GAK: variants seen among roughly 807,000 people sequenced by gnomAD.
GAK encodes the protein cyclin-G-associated kinase.
A neutral mutation model predicts 143.9 loss-of-function variants in GAK; 79 were observed. The observed-to-expected ratio is 0.55, with a 90% CI of 0.46 to 0.66. GAK has a LOEUF of 0.66. Among genes scored for constraint, GAK ranks in the 30% least tolerant of loss-of-function variants. The pLI is 0.00. For missense variants in GAK, 1,693 were observed against 1,779.7 expected (o/e 0.95, Z 0.88); for synonymous variants, 881 against 765.5 (o/e 1.15, Z -2.49).
At chr4:851,687 T>C in intron 25 of GAK, 63 bp downstream of exon 25, 3 of 1,517,136 alleles carry the variant, frequency 2.0e-6, no homozygotes, top group East Asian at 2.2e-5. Context: ...ACATAGGTTC[T>C]ACCTTTAGCC....
At chr4:882,390 C>A (rs1054542746) in intron 14 of GAK, among the ~76,000 whole-genome samples, 2 of 152,142 alleles carry the variant, frequency 1.3e-5, no homozygotes, top group Non-Finnish European at 2.9e-5. Flanking sequence ...AGCTGCAGAT[C>A]GGGAAACTGG....
chr4:871,400 G>A (rs934888899), intron 18 of GAK, among the ~76,000 whole-genome samples: 8 of 152,210 alleles, frequency 5.3e-5, no homozygotes, highest in East Asian at 3.8e-4. Flanking sequence ...CTCAGAGCAC[G>A]CACTCTGGGA....
chr4:851,731 C>T lies in GAK; in HGVS notation c.3508+19G>A. ...GAGGTCTCTGCAAACTCCACAGCAA[C>T]AGAGAGTGGGGGACTCACCAAAGCT... On this transcript the variant is annotated intron_variant, in intron 25 of 27. Transcript: ENST00000314167. 1 of 1,609,764 alleles carries T rather than the reference C, an allele frequency of 6.2e-7. No homozygotes were observed. The highest frequency in any genetic ancestry group is 8.5e-7 in the Non-Finnish European group (1 of 1,177,282).
chr4:875,492 C>T (rs538324577), intron 18 of GAK, among the ~76,000 whole-genome samples: 55 of 152,350 alleles, frequency 3.6e-4, no homozygotes, highest in African/African-American at 1.3e-3. Flanking sequence ...AGTCCGCCAG[C>T]ATCCCCGTGG....
chr4:913,542 A>G, intron 2 of GAK, 65 bp downstream of exon 2: 1 of 1,234,294 alleles, frequency 8.1e-7, no homozygotes, highest in Non-Finnish European at 1.2e-6. Context: ...CCCTGAAAAG[A>G]CTGTCACCAG....
chr4:854,875 C>G (rs1748860077), intron 24 of GAK, among the ~76,000 whole-genome samples: 1 of 152,174 alleles, frequency 6.6e-6, no homozygotes, highest in African/African-American at 2.4e-5. Flanking sequence ...GAAACCCCAT[C>G]TCTACTAAAA....
chr4:890,668 C>CAA, intron 9 of GAK, 46 bp from the exon 10 acceptor site: 1 of 1,503,094 alleles, frequency 6.7e-7, no homozygotes, highest in Non-Finnish European at 9.1e-7. Flanking sequence ...ACTGACAACT[C>CAA]ACGCCTGCCC....
intron 15 of GAK, among the ~76,000 whole-genome samples, chr4:879,659 T>C (rs905725197): frequency 6.6e-6 from 1 of 152,228 alleles, no homozygotes; most frequent in Admixed American, 6.5e-5. Context: ...TGTGTTCATC[T>C]TGCTTTCATC....
intron 11 of GAK, among the ~76,000 whole-genome samples, chr4:884,863 G>A (rs553526406): frequency 2.6e-5 from 4 of 152,352 alleles, no homozygotes; most frequent in Non-Finnish European, 4.4e-5. Flanking sequence ...CATCGCAGAG[G>A]TGCTGTCCCC....
chr4:920,953 T>C (rs1463959480), intron 1 of GAK, among the ~76,000 whole-genome samples: 3 of 152,250 alleles, frequency 2.0e-5, no homozygotes, highest in Admixed American at 6.5e-5. Context: ...TTTTTAAAGA[T>C]AGTAATATCT....
chr4:850,451 G>A, intron 26 of GAK: 1 of 215,524 alleles, frequency 4.6e-6, no homozygotes, highest in South Asian at 1.3e-4. Context: ...GTGGCCTGCA[G>A]AGCTGGGCAT....
chr4:899,188 G>A (rs1158781029), intron 5 of GAK, among the ~76,000 whole-genome samples: 1 of 152,240 alleles, frequency 6.6e-6, no homozygotes, highest in Non-Finnish European at 1.5e-5. Flanking sequence ...AATCAAGGAA[G>A]CCTCAGCCCC....
rs763401200 is a variant in GAK, at chr4:851,838, T to G, written c.3420A>C (p.Lys1140Asn). The change falls in exon 25 of 28, where the codon AAA becomes AAC. Residue 1140 changes from lysine to asparagine, a missense_variant. This residue lies in a region of GAK where 822 missense variants were observed against 788.7 expected (regional missense o/e 1.04). Transcript: ENST00000314167. ...SWPPQAKPPP[K>N]ACTQPRPNYA... ...AGTTAGGCCTTGGCTGTGTGCAGGC[T>G]TTGGGGGGCGGCTTGGCCTGAGGGG... is the stretch of plus-strand genomic sequence containing the variant. 5.0e-6 allele frequency: 8 copies of G among 1,609,712 alleles called. 1 individual carries two copies. The African/African-American group carries it at 1.1e-4, about 21-fold the overall frequency.
intron 14 of GAK, 27 bp from the exon 15 acceptor site, chr4:882,067 G>A: frequency 6.3e-7 from 1 of 1,577,678 alleles, no homozygotes; most frequent in African/African-American, 1.3e-5. Flanking sequence ...CGTCTCGCGT[G>A]CGCCTCGCAC....
chr4:851,142 G>T, intron 25 of GAK, 58 bp from the exon 26 acceptor site: 1 of 1,472,384 alleles, frequency 6.8e-7, no homozygotes, highest in Non-Finnish European at 9.4e-7. Context: ...CTGTCACCCA[G>T]GCCAGAGTGC....
chr4:901,814 G>A (rs1366549624), intron 5 of GAK, among the ~76,000 whole-genome samples: 1 of 152,220 alleles, frequency 6.6e-6, no homozygotes, highest in East Asian at 1.9e-4. Context: ...GGCCAGAGGC[G>A]CCGCTCCCGA....
chr4:912,551 A>C (rs1378403480), intron 3 of GAK, 184 bp downstream of exon 3: 2 of 539,638 alleles, frequency 3.7e-6, no homozygotes, highest in South Asian at 2.5e-5. Context: ...TAAAAAAAAA[A>C]CAGAAAAAAC....
chr4:870,802 G>T lies in GAK; in HGVS notation c.2157C>A (p.Ala719=). The change falls in exon 19 of 28, where the codon GCC becomes GCA. Residue 719 remains alanine, a synonymous_variant. Transcript: ENST00000314167. ...TCATGCTCGAGTTCTCCCATGGTGGGGCTTCCCGGCTCGGCCTGTCCCTGG... is the reference window on the plus strand; with the variant it reads ...TCATGCTCGAGTTCTCCCATGGTGGTGCTTCCCGGCTCGGCCTGTCCCTGG... ...VEPRDRPSRE[A]PPWENSSMRG... 1 of 1,614,092 alleles carries T rather than the reference G, an allele frequency of 6.2e-7. No homozygotes were observed. The highest frequency in any genetic ancestry group is 8.5e-7 in the Non-Finnish European group (1 of 1,180,008).
chr4:867,937 C>T (rs1226758197), intron 20 of GAK, among the ~76,000 whole-genome samples: 4 of 152,240 alleles, frequency 2.6e-5, no homozygotes, highest in Admixed American at 6.5e-5. Context: ...GTGCCTCAGG[C>T]TGAGTCAAGT....
Sources: allele counts gnomAD v4.1 joint callset (sites outside exome capture counted in the v4.1 genomes callset), GRCh38; gene constraint gnomAD v4.1.1; regional missense constraint gnomAD v4.1.1; transcripts MANE v1.5; gene names NCBI Gene and HGNC (gene_info 2026-07-23, HGNC 2026-07-21).